The following SARAF variants were observed in gnomAD, a reference collection of about 807,000 sequenced individuals.
SARAF encodes store-operated calcium entry associated regulatory factor, also known as store-operated calcium entry-associated regulatory factor.
SARAF carries 23 observed loss-of-function variants against 39.7 expected under a neutral mutation model. The ratio of observed to expected loss-of-function variants is 0.58; its 90% confidence interval spans 0.42 to 0.82. The LOEUF (loss-of-function observed/expected upper bound fraction) is 0.82, where lower values mean the gene tolerates loss of function less well. Among genes scored for constraint, SARAF ranks in the 40% least tolerant of loss-of-function variants. The pLI is 0.00. For missense variants in SARAF, 384 were observed against 418.5 expected (o/e 0.92, Z 0.72); for synonymous variants, 175 against 168.5 (o/e 1.04, Z -0.30).
In SARAF at chr8:30,073,736, AAG is replaced by A; in HGVS notation, c.282+139_282+140del. 6 of 626,374 alleles carry A rather than the reference AAG, an allele frequency of 9.6e-6. No individual in the cohort carries two copies. In the South Asian group the frequency reaches 1.6e-4, roughly 17 times the overall value. The allele number at this position is 626,374 out of a possible 1,614,324, so 38.8% of individuals were successfully genotyped here. On this transcript the variant is annotated intron_variant, in intron 2 of 5. Coordinates refer to ENST00000256255, the MANE Select transcript of SARAF (RefSeq NM_016127.6). Reference sequence around the variant, plus strand: ...TTTTGGAGGCCATTTCTTCCACAGGAAGAGTGATTGATTTACTTACATATTTT... The same window carrying A: ...TTTTGGAGGCCATTTCTTCCACAGGAAGTGATTGATTTACTTACATATTTT...
intron 1 of SARAF, among the ~76,000 whole-genome samples, chr8:30,081,144 AC>A (rs1802089380): frequency 6.6e-6 from 1 of 152,228 alleles, no homozygotes; most frequent in Admixed American, 6.5e-5. Flanking sequence ...TCTCAAAAAA[AC>A]AAAACAAAAC....
chr8:30,076,529 G>C (rs1057105096), intron 1 of SARAF, among the ~76,000 whole-genome samples: 1 of 152,208 alleles, frequency 6.6e-6, no homozygotes, highest in African/African-American at 2.4e-5. Context: ...AATTAACCAT[G>C]AGCAGGGAGC....
At chr8:30,066,349 C>T (rs758341918) in intron 4 of SARAF, among the ~76,000 whole-genome samples, 1 of 152,148 alleles carries the variant, frequency 6.6e-6, no homozygotes, top group Non-Finnish European at 1.5e-5. Context: ...GACAGGGAGT[C>T]AATGCTCTTT....
chr8:30,076,601 C>G (rs1309082889), intron 1 of SARAF, among the ~76,000 whole-genome samples: 1 of 152,206 alleles, frequency 6.6e-6, no homozygotes, highest in Non-Finnish European at 1.5e-5. Flanking sequence ...CCCCAAAGTT[C>G]ACATGTTGGA....
Position 30,065,918 on chromosome 8 carries a change from C to T in SARAF, c.994+70G>A, listed in dbSNP as rs748369061. On this transcript the variant is annotated intron_variant, in intron 5 of 5. Transcript: ENST00000256255. Reference sequence around the variant, plus strand: ...CCATGGTTGCTAAACAGATAATCATCTTCTAAAGTTCCCAAACTATTTCTG... The same window carrying T: ...CCATGGTTGCTAAACAGATAATCATTTTCTAAAGTTCCCAAACTATTTCTG... The T allele has an allele frequency of 9.0e-6, 14 of 1,555,926 alleles. No homozygotes were observed. In the South Asian group the frequency reaches 1.4e-4, roughly 15 times the overall value.
chr8:30,070,077 A>C lies in SARAF; in HGVS notation c.283-18T>G, dbSNP rs1360795982. The C allele has an allele frequency of 1.9e-6, 3 of 1,577,652 alleles. No individual in the cohort carries two copies. Among genetic ancestry groups the C allele is most frequent in the Non-Finnish European group, 2.6e-6 (3 of 1,167,030 alleles). ...CATTCCCACTGTGAAGAAAAATAGAAACAGACTATTAGAAACAAACATTTT... is the reference window on the plus strand; with the variant it reads ...CATTCCCACTGTGAAGAAAAATAGACACAGACTATTAGAAACAAACATTTT... On this transcript the variant is annotated intron_variant, in intron 2 of 5. Coordinates refer to ENST00000256255, the MANE Select transcript of SARAF (RefSeq NM_016127.6).
At position 30,064,021 on chromosome 8, in the gene SARAF, G is replaced by T; in HGVS notation, c.995-108C>A. ...TTGTCAGCAAATGAATGAGATAGGA[G>T]GAAAGGAAAGAGTGTGCCACTAGGT... On this transcript the variant is annotated intron_variant, in intron 5 of 5. Transcript: ENST00000256255. The T allele has an allele frequency of 4.0e-6, 4 of 1,010,096 alleles. No homozygotes were observed. The South Asian group carries it at 4.5e-5, about 11-fold the overall frequency. 62.6% of individuals were successfully genotyped at this position (1,010,096 alleles called of 1,614,324 possible).
At chr8:30,068,579 C>G (rs1585435152) in intron 3 of SARAF, among the ~76,000 whole-genome samples, 1 of 109,004 alleles carries the variant, frequency 9.2e-6, no homozygotes. Flanking sequence ...CCCACCCCAA[C>G]CCCCCTAGTC....
At chr8:30,078,325 T>C in intron 1 of SARAF, 1 of 427,606 alleles carries the variant, frequency 2.3e-6, no homozygotes, top group East Asian at 7.2e-5. Context: ...GTTCCCACAC[T>C]GAAGGACTTG....
At chr8:30,067,972 C>T (rs986330261) in intron 3 of SARAF, among the ~76,000 whole-genome samples, 23 of 152,252 alleles carry the variant, frequency 1.5e-4, no homozygotes, top group African/African-American at 4.8e-4. Context: ...CATTCTTGCC[C>T]ATACTTGGTA....
chr8:30,067,106 T>C (rs1801708395), intron 3 of SARAF, 188 bp from the exon 4 acceptor site: 1 of 628,464 alleles, frequency 1.6e-6, no homozygotes. Flanking sequence ...GGAGAGCATT[T>C]CCCATAGATA....
In SARAF at chr8:30,066,765, CA is replaced by C; in HGVS notation, c.842+11del. The C allele has an allele frequency of 6.5e-7, 1 of 1,547,442 alleles. No homozygotes were observed. The highest frequency in any genetic ancestry group is 1.7e-5 in the Admixed American group (1 of 59,126). ...AATTAAAGAGCAAGTGAGATCAATG[CA>C]AAAAGCTTACCTATTGCTGCCAAAC... On this transcript the variant is annotated intron_variant, in intron 4 of 5. Coordinates refer to ENST00000256255, the MANE Select transcript of SARAF (RefSeq NM_016127.6).
chr8:30,077,669 G>A (rs1393354087), intron 1 of SARAF, among the ~76,000 whole-genome samples: 1 of 151,848 alleles, frequency 6.6e-6, no homozygotes, highest in African/African-American at 2.4e-5. Flanking sequence ...GGGGATGGTG[G>A]CGCGTGCCTG....
At chr8:30,066,270 G>C in intron 4 of SARAF, 131 bp from the exon 5 acceptor site, 3 of 943,704 alleles carry the variant, frequency 3.2e-6, no homozygotes, top group South Asian at 1.8e-5. Flanking sequence ...TGGTATATCA[G>C]AGTTAACATG....
chr8:30,067,329 T>G (rs903168714), intron 3 of SARAF, among the ~76,000 whole-genome samples: 3 of 152,218 alleles, frequency 2.0e-5, no homozygotes, highest in Non-Finnish European at 4.4e-5. Context: ...AGATATTTAT[T>G]TGTGTCAGTT....
chr8:30,070,440 C>T (rs1038377059), intron 2 of SARAF, among the ~76,000 whole-genome samples: 3 of 151,918 alleles, frequency 2.0e-5, no homozygotes, highest in East Asian at 1.9e-4. Flanking sequence ...GCTATATATC[C>T]GTCATAAAAT....
chr8:30,069,992 T>C lies in SARAF; in HGVS notation c.350A>G (p.Tyr117Cys), dbSNP rs762333161. Reference protein sequence around the residue: ...FGKTVVSCEGYESSEDQYVLR... With the variant: ...FGKTVVSCEGCESSEDQYVLR... Reference sequence around the variant, plus strand: ...TACATACTGGTCTTCAGAGGACTCATAGCCTTCACAGCTCACCACAGTTTT... The same window carrying C: ...TACATACTGGTCTTCAGAGGACTCACAGCCTTCACAGCTCACCACAGTTTT... Residue 117 changes from tyrosine (Y) to cysteine (C), a missense_variant, in exon 3 of 6, where the codon TAT becomes TGT. Tyr to Cys is a radical substitution (Grantham distance 194, BLOSUM62 -2). Transcript: ENST00000256255. 9.9e-6 allele frequency: 16 copies of C among 1,613,868 alleles called. No individual in the cohort carries two copies. Among genetic ancestry groups the C allele is most frequent in the South Asian group, 3.3e-5 (3 of 91,090 alleles).
intron 2 of SARAF, among the ~76,000 whole-genome samples, chr8:30,071,003 A>G (rs1002004859): frequency 2.6e-5 from 4 of 152,204 alleles, no homozygotes; most frequent in Non-Finnish European, 4.4e-5. Context: ...TCTAGATTCT[A>G]TATTTTGTGG....
At chr8:30,072,766 T>C (rs1801875741) in intron 2 of SARAF, among the ~76,000 whole-genome samples, 1 of 152,174 alleles carries the variant, frequency 6.6e-6, no homozygotes, top group African/African-American at 2.4e-5. Flanking sequence ...TCTAAAAATG[T>C]TATCATTCCT....
Sources: gnomAD v4.1 joint callset for allele counts (sites outside exome capture counted in the v4.1 genomes callset) on GRCh38, gnomAD v4.1.1 for gene constraint, MANE v1.5 for transcripts, NCBI Gene and HGNC (gene_info 2026-07-23, HGNC 2026-07-21) for gene names.